Variants in LPP observed in about 807,000 individuals in gnomAD.
LPP encodes the protein LIM domain containing preferred translocation partner in lipoma, also known as lipoma-preferred partner.
LPP carries 38 observed loss-of-function variants against 60.4 expected under a neutral mutation model. The ratio of observed to expected loss-of-function variants is 0.63; its 90% CI spans 0.49 to 0.83. The LOEUF (loss-of-function observed/expected upper bound fraction) is 0.83, where lower values mean the gene tolerates loss of function less well. LPP is among the 40% of genes least tolerant of loss of function. The probability of loss-of-function intolerance (pLI) is 0.00; values close to 1 mark genes in which losing one functional copy is unlikely to be tolerated. For synonymous variants in LPP, 328 were observed against 290.8 expected (o/e 1.13, Z -1.30); for missense variants, 902 against 783.6 (o/e 1.15, Z -1.80).
chr3:188,599,790 G>GTGTGT lies in LPP; in HGVS notation c.430-9371_430-9370insTGTGT, dbSNP rs1553938528. On this transcript the variant is annotated intron_variant, in intron 6 of 11. Coordinates refer to ENST00000617246, the MANE Select transcript of LPP (RefSeq NM_001375462.1). ...TGTGTGTGTGTGTGTGTGTGTGTGT[G>GTGTGT]GTGTGTGCTTTATGTGTTCATTGAG... is the stretch of plus-strand genomic sequence containing the variant. Among the ~76,000 whole-genome samples, 8 of 125,478 alleles carry GTGTGT rather than the reference G, an allele frequency of 6.4e-5. No individual in the cohort carries two copies. In the East Asian group the frequency reaches 1.2e-3, roughly 19 times the overall value. 82.3% of individuals were successfully genotyped at this position (125,478 alleles called of 152,430 possible).
intron 6 of LPP, among the ~76,000 whole-genome samples, chr3:188,537,194 G>A (rs1222309490): frequency 2.6e-5 from 4 of 152,202 alleles, no homozygotes; most frequent in Non-Finnish European, 4.4e-5. Flanking sequence ...AACCAGGAAG[G>A]AAGGAAAGAT....
At chr3:188,389,219 C>T (rs1779098940) in intron 3 of LPP, among the ~76,000 whole-genome samples, 1 of 152,064 alleles carries the variant, frequency 6.6e-6, no homozygotes, top group Non-Finnish European at 1.5e-5. Flanking sequence ...ATTTATCTCA[C>T]TTATTTCACC....
intron 5 of LPP, among the ~76,000 whole-genome samples, chr3:188,499,211 T>C (rs1293106490): frequency 6.6e-6 from 1 of 152,224 alleles, no homozygotes; most frequent in East Asian, 1.9e-4. Flanking sequence ...GTTGCCAAAT[T>C]CAATGTCATG....
chr3:188,848,609 A>G (rs905964271), intron 9 of LPP, among the ~76,000 whole-genome samples: 1 of 152,208 alleles, frequency 6.6e-6, no homozygotes. Flanking sequence ...ATCTAGTCCA[A>G]CCTCTTTGAT....
intron 4 of LPP, among the ~76,000 whole-genome samples, chr3:188,464,641 T>C (rs1485500603): frequency 2.0e-5 from 3 of 152,188 alleles, no homozygotes; most frequent in African/African-American, 7.2e-5. Context: ...AGTGATTTCA[T>C]GGACACTAAT....
At chr3:188,267,216 C>A (rs715790) in intron 2 of LPP, among the ~76,000 whole-genome samples, 1 of 151,920 alleles carries the variant, frequency 6.6e-6, no homozygotes, top group Non-Finnish European at 1.5e-5. Context: ...TTCTAGGGAT[C>A]TCCAGGCTTT....
intron 7 of LPP, among the ~76,000 whole-genome samples, chr3:188,667,339 G>A (rs187217996): frequency 1.3e-5 from 2 of 151,892 alleles, no homozygotes; most frequent in Admixed American, 6.6e-5. Flanking sequence ...TTAGCCGGGC[G>A]TGGTGGTGGG....
chr3:188,622,445 A>C (rs1580462776), intron 7 of LPP, among the ~76,000 whole-genome samples: 2 of 152,302 alleles, frequency 1.3e-5, no homozygotes, highest in South Asian at 4.1e-4. Flanking sequence ...ATTTAGCCAG[A>C]TTGTTTATGG....
Position 188,655,554 on chromosome 3 carries a change from T to C in LPP, c.1113+45710T>C, listed in dbSNP as rs539009593. On this transcript the variant is annotated intron_variant, in intron 7 of 11. Transcript: ENST00000617246. ...CTCAATGACGATTTTATTTTGAAGA[T>C]AGTGTGATTATCACCCCTGGGGATG... is the stretch of plus-strand genomic sequence containing the variant. Among the ~76,000 whole-genome samples, 119 of 152,280 alleles carry C rather than the reference T, an allele frequency of 7.8e-4. 1 individual carries two copies. The highest frequency in any genetic ancestry group is 2.8e-3 in the African/African-American group (115 of 41,564).
intron 6 of LPP, among the ~76,000 whole-genome samples, chr3:188,557,910 G>A (rs1237609122): frequency 1.3e-5 from 2 of 152,084 alleles, no homozygotes; most frequent in African/African-American, 4.8e-5. Context: ...AGCAGGTAAA[G>A]AGAAGATCCC....
chr3:188,378,087 C>T (rs1246525357), intron 3 of LPP, among the ~76,000 whole-genome samples: 2 of 152,164 alleles, frequency 1.3e-5, no homozygotes, highest in Non-Finnish European at 2.9e-5. Context: ...AGAGGAGTAC[C>T]CGGCCGTGTG....
At chr3:188,664,417 AT>A (rs1362946564) in intron 7 of LPP, among the ~76,000 whole-genome samples, 3 of 152,210 alleles carry the variant, frequency 2.0e-5, no homozygotes, top group African/African-American at 7.2e-5. Context: ...AAGTTCACCT[AT>A]TTCTTTGACT....
chr3:188,362,270 G>A (rs1192317584), intron 3 of LPP, among the ~76,000 whole-genome samples: 4 of 152,176 alleles, frequency 2.6e-5, no homozygotes, highest in African/African-American at 7.2e-5. Flanking sequence ...CTGAGGTTAT[G>A]GGAAAAGAGA....
chr3:188,154,201 C>A lies in LPP; in HGVS notation c.-241C>A. Reference sequence around the variant, plus strand: ...CCTCCGCCTCCAGCCGCCGCCGCCGCCGCCGCCGCCGCCACCACCACCGCC... The same window carrying A: ...CCTCCGCCTCCAGCCGCCGCCGCCGACGCCGCCGCCGCCACCACCACCGCC... On this transcript the variant is annotated 5_prime_UTR_variant, in exon 1 of 12. Transcript: ENST00000617246. 1 of 223,652 alleles carries A rather than the reference C, an allele frequency of 4.5e-6. No homozygotes were observed. Among genetic ancestry groups the A allele is most frequent in the Admixed American group, 5.7e-5 (1 of 17,446 alleles). 13.9% of individuals were successfully genotyped at this position (223,652 alleles called of 1,614,324 possible). A position where few individuals can be genotyped will look rare whatever the true frequency, so the allele number is the denominator to read the frequency against.
At chr3:188,428,727 T>C (rs921215396) in intron 4 of LPP, among the ~76,000 whole-genome samples, 2 of 152,198 alleles carry the variant, frequency 1.3e-5, no homozygotes, top group South Asian at 2.1e-4. Flanking sequence ...TGCAGGAAAC[T>C]GAAAGAACGC....
intron 9 of LPP, among the ~76,000 whole-genome samples, chr3:188,779,163 G>T (rs1170400034): frequency 6.6e-6 from 1 of 152,058 alleles, no homozygotes; most frequent in African/African-American, 2.4e-5. Flanking sequence ...AGGAATGTTA[G>T]TGCACTTATA....
chr3:188,878,418 TC>T lies in LPP; in HGVS notation c.*3940del, dbSNP rs1222673246. ...AATATTGCTATTCTACCTTAGTATTTCACATTTGTAGTTCAAACAAGCGATT... is the reference window on the plus strand; with the variant it reads ...AATATTGCTATTCTACCTTAGTATTTACATTTGTAGTTCAAACAAGCGATT... On this transcript the variant is annotated 3_prime_UTR_variant, in exon 12 of 12. Transcript: ENST00000617246. The T allele has an allele frequency of 4.6e-6, 1 of 215,724 alleles. No individual in the cohort carries two copies. Among genetic ancestry groups the T allele is most frequent in the East Asian group, 6.9e-5 (1 of 14,560 alleles). 13.4% of individuals were successfully genotyped at this position (215,724 alleles called of 1,614,324 possible).
intron 1 of LPP, among the ~76,000 whole-genome samples, chr3:188,162,608 G>C (rs1577055160): frequency 6.6e-6 from 1 of 152,130 alleles, no homozygotes; most frequent in African/African-American, 2.4e-5. Context: ...AAAGACCTAT[G>C]TTTGGGCTAA....
intron 9 of LPP, among the ~76,000 whole-genome samples, chr3:188,820,637 A>G (rs760343591): frequency 1.3e-5 from 2 of 152,206 alleles, no homozygotes. Flanking sequence ...TGTCCTATCT[A>G]CATACCACAA....
Sources: allele counts gnomAD v4.1 joint callset (sites outside exome capture counted in the v4.1 genomes callset), GRCh38; gene constraint gnomAD v4.1.1; transcripts MANE v1.5; gene names NCBI Gene and HGNC (gene_info 2026-07-23, HGNC 2026-07-21).